Variants in SLC24A2 observed in about 807,000 individuals in gnomAD.
The protein encoded by SLC24A2 is sodium/potassium/calcium exchanger 2.
In SLC24A2, 36 loss-of-function variants were observed where a neutral mutation model predicts 62.0. The observed-to-expected ratio is 0.58, with a 90% confidence interval of 0.44 to 0.77. The LOEUF (loss-of-function observed/expected upper bound fraction) is 0.77, where lower values mean the gene tolerates loss of function less well. SLC24A2 is among the 30% of genes least tolerant of loss of function. The probability of loss-of-function intolerance (pLI) is 0.00; values close to 1 mark genes in which losing one functional copy is unlikely to be tolerated. For missense variants in SLC24A2, 846 were observed against 817.9 expected, an observed-to-expected ratio of 1.03 and a Z score of -0.42; for synonymous variants, 358 against 294.0, an observed-to-expected ratio of 1.22 and a Z score of -2.23.
At chr9:19,531,078 C>G (rs1261504896) in intron 8 of SLC24A2, among the ~76,000 whole-genome samples, 2 of 152,204 alleles carry the variant, frequency 1.3e-5, no homozygotes, top group Admixed American at 6.5e-5. Flanking sequence ...GAAGTAGAAA[C>G]TAGCATTCCA....
chr9:19,708,547 C>T (rs981085664), intron 2 of SLC24A2, among the ~76,000 whole-genome samples: 2 of 152,046 alleles, frequency 1.3e-5, no homozygotes, highest in African/African-American at 2.4e-5. Context: ...GGTACTGGTA[C>T]CAAAACAGAG....
chr9:19,612,595 C>G (rs1837209593), intron 4 of SLC24A2, among the ~76,000 whole-genome samples: 2 of 152,200 alleles, frequency 1.3e-5, no homozygotes, highest in Admixed American at 1.3e-4. Flanking sequence ...AGGTCACACA[C>G]CTAGTGAAGG....
chr9:19,957,219 T>C, the SLC24A2 span, among the ~76,000 whole-genome samples: 11 of 152,226 alleles, frequency 7.2e-5, no homozygotes, highest in Non-Finnish European at 1.6e-4. Flanking sequence ...AACTTTGTAC[T>C]CATGCTTCTC....
At chr9:19,649,622 G>T (rs1818742727) in intron 2 of SLC24A2, among the ~76,000 whole-genome samples, 1 of 152,090 alleles carries the variant, frequency 6.6e-6, no homozygotes, top group Non-Finnish European at 1.5e-5. Flanking sequence ...TCAAACATAG[G>T]TTTCATTTGG....
the SLC24A2 span, among the ~76,000 whole-genome samples, chr9:20,252,248 T>A: frequency 6.6e-6 from 1 of 152,256 alleles, no homozygotes; most frequent in Non-Finnish European, 1.5e-5. Context: ...GAAAGGCATA[T>A]GAGTTTTATT....
intron 7 of SLC24A2, among the ~76,000 whole-genome samples, chr9:19,553,184 T>A (rs1039885770): frequency 1.3e-5 from 2 of 152,202 alleles, no homozygotes; most frequent in African/African-American, 4.8e-5. Context: ...GGAGGCAGTT[T>A]GCAAGCTGGT....
At chr9:19,635,556 A>G (rs376647269) in intron 2 of SLC24A2, among the ~76,000 whole-genome samples, 126 of 152,298 alleles carry the variant, frequency 8.3e-4, no homozygotes, top group African/African-American at 2.9e-3. Flanking sequence ...AATATCCTGG[A>G]CCTATGGGAA....
chr9:20,089,497 C>G, the SLC24A2 span, among the ~76,000 whole-genome samples: 25 of 152,204 alleles, frequency 1.6e-4, no homozygotes, highest in African/African-American at 6.0e-4. Flanking sequence ...GCACCTCCAG[C>G]ACACCATAGC....
At chr9:20,084,928 G>C in the SLC24A2 span, among the ~76,000 whole-genome samples, 1 of 152,192 alleles carries the variant, frequency 6.6e-6, no homozygotes, top group African/African-American at 2.4e-5. Flanking sequence ...GATTGGGAAA[G>C]GATTGCTTCT....
At chr9:20,034,134 A>G in the SLC24A2 span, among the ~76,000 whole-genome samples, 1 of 152,192 alleles carries the variant, frequency 6.6e-6, no homozygotes, top group African/African-American at 2.4e-5. Context: ...CCTCAAAAGC[A>G]CTGTCAGCTC....
At chr9:19,584,735 A>AAAT (rs1447610876) in intron 5 of SLC24A2, among the ~76,000 whole-genome samples, 2 of 152,166 alleles carry the variant, frequency 1.3e-5, no homozygotes, top group African/African-American at 4.8e-5. Flanking sequence ...TATTTCTTAA[A>AAAT]AATAATAATT....
intron 2 of SLC24A2, among the ~76,000 whole-genome samples, chr9:19,677,479 G>T (rs1464926808): frequency 1.3e-5 from 2 of 152,126 alleles, no homozygotes; most frequent in Admixed American, 1.3e-4. Context: ...TAACTAATAG[G>T]TACCAGGTTT....
the SLC24A2 span, among the ~76,000 whole-genome samples, chr9:20,304,062 G>T: frequency 6.6e-6 from 1 of 152,122 alleles, no homozygotes; most frequent in South Asian, 2.1e-4. Context: ...GTACTAATTC[G>T]TTAGTCTTGG....
At chr9:19,982,045 C>T in the SLC24A2 span, among the ~76,000 whole-genome samples, 14 of 152,172 alleles carry the variant, frequency 9.2e-5, no homozygotes, top group African/African-American at 3.4e-4. Context: ...AGCTAAATAT[C>T]TGAGAAGATT....
the SLC24A2 span, among the ~76,000 whole-genome samples, chr9:19,831,855 CT>C: frequency 2.0e-5 from 3 of 152,144 alleles, no homozygotes; most frequent in African/African-American, 7.2e-5. Context: ...CCTTGCTAAA[CT>C]TAGAATAGAA....
intron 2 of SLC24A2, among the ~76,000 whole-genome samples, chr9:19,727,936 T>C (rs1468940485): frequency 6.6e-6 from 1 of 152,068 alleles, no homozygotes; most frequent in African/African-American, 2.4e-5. Context: ...TTCATTAAAG[T>C]GAAAGAAAGC....
At chr9:19,636,281 C>CTCTTCTTTTCTTTTCTTTTCTT (rs1554690322) in intron 2 of SLC24A2, among the ~76,000 whole-genome samples, 6 of 74,154 alleles carry the variant, frequency 8.1e-5, no homozygotes, top group Non-Finnish European at 1.7e-4. Flanking sequence ...TTCTTCTCTT[C>CTCTTCTTTTCTTTTCTTTTCTT]TTCTCTTCTT....
At chr9:19,898,124 G>C in the SLC24A2 span, among the ~76,000 whole-genome samples, 5 of 152,204 alleles carry the variant, frequency 3.3e-5, no homozygotes, top group Non-Finnish European at 5.9e-5. Flanking sequence ...TGAAGCACTA[G>C]TGCCTGGAGT....
the SLC24A2 span, among the ~76,000 whole-genome samples, chr9:20,196,689 GC>G: frequency 6.6e-6 from 1 of 152,122 alleles, no homozygotes; most frequent in East Asian, 1.9e-4. Context: ...ATTACATTCT[GC>G]CAAGGAGGCC....
Sources: gnomAD v4.1 joint callset for allele counts (sites outside exome capture counted in the v4.1 genomes callset) on GRCh38, gnomAD v4.1.1 for gene constraint, MANE v1.5 for transcripts, NCBI Gene and HGNC (gene_info 2026-07-23, HGNC 2026-07-21) for gene names.